Variants in STIM2 observed in about 807,000 individuals in gnomAD.
The protein encoded by STIM2 is stromal interaction molecule 2.
In STIM2, 31 loss-of-function variants were observed where a neutral mutation model predicts 85.8. The observed-to-expected ratio is 0.36, with a 90% CI of 0.27 to 0.49. STIM2 has a LOEUF of 0.49. Ranked by LOEUF, STIM2 falls within the 20% of genes least tolerant of loss-of-function variation. The pLI is 0.98. For synonymous variants in STIM2, 356 were observed against 331.1 expected, an observed-to-expected ratio of 1.08 and a Z score of -0.82; for missense variants, 841 against 927.6, an observed-to-expected ratio of 0.91 and a Z score of 1.21.
At chr4:26,949,885 C>G (rs1410155965) in intron 2 of STIM2, among the ~76,000 whole-genome samples, 2 of 152,062 alleles carry the variant, frequency 1.3e-5, no homozygotes, top group Non-Finnish European at 2.9e-5. Flanking sequence ...CAAATATATA[C>G]ATAAGTTTTT....
rs145558428 is a variant in STIM2, at chr4:26,998,539, GTTAAA to G, written c.510-688_510-684del. Among the ~76,000 whole-genome samples, 590 of 152,222 alleles carry G rather than the reference GTTAAA, an allele frequency of 3.9e-3. 6 individuals are homozygous for G. Among genetic ancestry groups the G allele is most frequent in the African/African-American group, 0.014 (565 of 41,532 alleles). ...TTGTTTTTTAAAGTCTGCTATAGAT[GTTAAA>G]TTAAGTTACTTATGGTTTTATTATC... On this transcript the variant is annotated intron_variant, in intron 4 of 11. Transcript: ENST00000467087.
intron 3 of STIM2, among the ~76,000 whole-genome samples, chr4:26,970,054 CA>C (rs1215680680): frequency 6.7e-6 from 1 of 150,044 alleles, no homozygotes; most frequent in Non-Finnish European, 1.5e-5. Flanking sequence ...TTATATTTTC[CA>C]AAATAAAAAA....
rs139433863 is a variant in STIM2, at chr4:27,023,019, T to C, written c.*23T>C. The C allele has an allele frequency of 6.1e-4, 979 of 1,593,846 alleles. 10 individuals are homozygous for C. In the African/African-American group the frequency reaches 0.012, roughly 19 times the overall value. On this transcript the variant is annotated 3_prime_UTR_variant, in exon 12 of 12. Transcript: ENST00000467087. The stretch of plus-strand genomic sequence containing the variant: ...TGAACTGGCTGACTTGATGGAATCA[T>C]GTTCAAGTGGCATCTGTAAACTATT...
chr4:27,021,752 G>T (rs774144233), intron 11 of STIM2: 252 of 409,882 alleles, frequency 6.1e-4, no homozygotes, highest in Non-Finnish European at 1.1e-3. Context: ...TGAGTTCCTG[G>T]CTGTTGCAGA....
chr4:26,891,886 C>T (rs1464076749), intron 1 of STIM2, among the ~76,000 whole-genome samples: 2 of 152,174 alleles, frequency 1.3e-5, no homozygotes, highest in African/African-American at 4.8e-5. Flanking sequence ...GTGTCTCTAC[C>T]CAAGTCTCAT....
chr4:26,895,796 G>C (rs757405242), intron 1 of STIM2, among the ~76,000 whole-genome samples: 2 of 152,084 alleles, frequency 1.3e-5, no homozygotes, highest in Non-Finnish European at 2.9e-5. Context: ...ATCTATTTTT[G>C]GCTTATCTAC....
rs145316745 is a variant in STIM2 at position 26,902,582 on chromosome 4, T to C, written c.152-16922T>C. Among the ~76,000 whole-genome samples, 56 of 152,342 alleles carry C rather than the reference T, an allele frequency of 3.7e-4. No homozygotes were observed. The East Asian group carries it at 0.011, about 29-fold the overall frequency. On this transcript the variant is annotated intron_variant, in intron 1 of 11. Coordinates refer to ENST00000467087, the MANE Select transcript of STIM2 (RefSeq NM_020860.4). ...ACAGCAGTTCAGGAAGCAAAGCTAA[T>C]ATTACTTTGAAATGATCAGCACTGT...
At chr4:26,982,368 C>T (rs1727433466) in intron 3 of STIM2, among the ~76,000 whole-genome samples, 1 of 151,824 alleles carries the variant, frequency 6.6e-6, no homozygotes, top group Non-Finnish European at 1.5e-5. Flanking sequence ...TCAAATTGTC[C>T]CAAATTTAGT....
At chr4:27,008,007 G>A (rs1028482262) in intron 8 of STIM2, 3 of 717,288 alleles carry the variant, frequency 4.2e-6, no homozygotes, top group East Asian at 2.7e-5. Context: ...TCTGATTCAG[G>A]TTAGTAGTTA....
Position 27,022,892 on chromosome 4 carries a change from A to G in STIM2, c.2137A>G (p.Ser713Gly), listed in dbSNP as rs758234102. The G allele has an allele frequency of 4.3e-6, 7 of 1,614,104 alleles. No individual in the cohort carries two copies. The highest frequency in any genetic ancestry group is 3.3e-5 in the Admixed American group (2 of 60,004). ...CAGTAAACCAGTTCAGGAAGCCCCA[A>G]GTGTTGCCAGAATAAGCAGCATCCC... Residue 713 changes from serine to glycine, a missense_variant, in exon 12 of 12, where the codon AGT becomes GGT. Ser to Gly is a moderately conservative substitution (Grantham distance 56). Coordinates refer to ENST00000467087, the MANE Select transcript of STIM2 (RefSeq NM_020860.4).
intron 2 of STIM2, among the ~76,000 whole-genome samples, chr4:26,933,314 T>C (rs1725270421): frequency 1.3e-5 from 2 of 152,206 alleles, no homozygotes; most frequent in East Asian, 3.9e-4. Flanking sequence ...AGAAAAGTTA[T>C]TATATGTTGA....
intron 1 of STIM2, among the ~76,000 whole-genome samples, chr4:26,887,028 A>C (rs935474410): frequency 2.0e-5 from 3 of 152,234 alleles, no homozygotes; most frequent in East Asian, 3.9e-4. Flanking sequence ...CCTGAAAATC[A>C]AGTTCATTGT....
intron 1 of STIM2, among the ~76,000 whole-genome samples, chr4:26,862,723 A>G (rs900039634): frequency 2.6e-5 from 4 of 152,218 alleles, no homozygotes; most frequent in Admixed American, 2.0e-4. Flanking sequence ...GTGATTATAG[A>G]ATAATCAGTA....
At chr4:26,960,225 A>G (rs779216917) in intron 3 of STIM2, among the ~76,000 whole-genome samples, 2 of 152,208 alleles carry the variant, frequency 1.3e-5, no homozygotes, top group African/African-American at 2.4e-5. Flanking sequence ...GTTCTTCTGA[A>G]AAAGTTTGAA....
At chr4:26,876,981 G>A (rs569881909) in intron 1 of STIM2, among the ~76,000 whole-genome samples, 2 of 152,226 alleles carry the variant, frequency 1.3e-5, no homozygotes, top group East Asian at 3.9e-4. Context: ...CTGATTTAAG[G>A]TAACTATAAC....
At chr4:26,891,462 T>C (rs901661298) in intron 1 of STIM2, among the ~76,000 whole-genome samples, 24 of 152,112 alleles carry the variant, frequency 1.6e-4, no homozygotes, top group African/African-American at 5.6e-4. Flanking sequence ...TGTATAATCT[T>C]GTGAACTAGT....
At position 27,024,090 on chromosome 4, in the gene STIM2, C is replaced by T. The variant is rs1729004187; in HGVS notation, c.*1094C>T. On this transcript the variant is annotated 3_prime_UTR_variant, in exon 12 of 12. Transcript: ENST00000467087. ...TGATGTTTTGGACGTAAGTTGTCAA[C>T]AAATTTCTATTTTATATTGTTATAT... is the stretch of plus-strand genomic sequence containing the variant. 1 of 152,542 alleles carries T rather than the reference C, an allele frequency of 6.6e-6. No individual in the cohort carries two copies. The allele number at this position is 152,542 out of a possible 1,614,324, so 9.4% of individuals were successfully genotyped here.
chr4:27,015,359 TTTG>T (rs1259422866), intron 10 of STIM2, among the ~76,000 whole-genome samples: 1 of 152,042 alleles, frequency 6.6e-6, no homozygotes, highest in Non-Finnish European at 1.5e-5. Flanking sequence ...AGTCACTGTT[TTTG>T]TTGTTTCTTT....
Position 27,008,927 on chromosome 4 carries a change from A to C in STIM2, c.1414A>C (p.Ile472Leu). 1 of 1,614,112 alleles carries C rather than the reference A, an allele frequency of 6.2e-7. No homozygotes were observed. The highest frequency in any genetic ancestry group is 8.5e-7 in the Non-Finnish European group (1 of 1,180,018). The change falls in exon 10 of 12, where the codon ATT (isoleucine) becomes CTT (leucine). Residue 472 changes from isoleucine (I) to leucine (L), a missense_variant. By Grantham distance (5) the Ile-to-Leu change is conservative. This residue lies in a region of STIM2 where 408 missense variants were observed against 525.4 expected (regional missense o/e 0.78). Transcript: ENST00000467087. ...CTGGGTGGTGATGCCCAGAGTCTCC[A>C]TTCCACCCTATCCAATTGCTGGAGG... is the stretch of plus-strand genomic sequence containing the variant.
Sources: gnomAD v4.1 joint callset for allele counts (sites outside exome capture counted in the v4.1 genomes callset) on GRCh38, gnomAD v4.1.1 for gene constraint, gnomAD v4.1.1 regional missense constraint, MANE v1.5 for transcripts, NCBI Gene and HGNC (gene_info 2026-07-23, HGNC 2026-07-21) for gene names.